The following ZBED4 variants were observed in gnomAD, a reference collection of about 807,000 sequenced individuals.
The protein encoded by ZBED4 is zinc finger BED domain-containing protein 4.
A neutral mutation model predicts 15.5 loss-of-function variants in ZBED4; 4 were observed. The ratio of observed to expected loss-of-function variants is 0.26; its 90% CI spans 0.13 to 0.59. The LOEUF (loss-of-function observed/expected upper bound fraction) is 0.59, where lower values mean the gene tolerates loss of function less well. Ranked by LOEUF, ZBED4 falls within the 20% of genes least tolerant of loss-of-function variation. The pLI is 0.90. For missense variants in ZBED4, 1,323 were observed against 1,461.8 expected, an observed-to-expected ratio of 0.91 and a Z score of 1.55; for synonymous variants, 692 against 608.5, an observed-to-expected ratio of 1.14 and a Z score of -2.02.
At position 49,870,943 on chromosome 22, in the gene ZBED4, ATT is replaced by A. The variant is rs61472662; in HGVS notation, c.-329-12377_-329-12376del. On this transcript the variant is annotated intron_variant, in intron 1 of 1. Coordinates refer to ENST00000216268, the MANE Select transcript of ZBED4 (RefSeq NM_014838.3). ...TTCAGTAAGTATTTTTAAAAGATAGATTTTTTTTTTTTTTTGAGATGGAGTCT... is the reference window on the plus strand; with the variant it reads ...TTCAGTAAGTATTTTTAAAAGATAGATTTTTTTTTTTTTGAGATGGAGTCT... Among the ~76,000 whole-genome samples, 194 of 138,014 alleles carry A rather than the reference ATT, an allele frequency of 1.4e-3. 1 individual carries two copies. Among genetic ancestry groups the A allele is most frequent in the Admixed American group, 1.6e-3 (22 of 13,716 alleles). The allele number at this position is 138,014 out of a possible 152,430, so 90.5% of individuals were successfully genotyped here.
intron 1 of ZBED4, among the ~76,000 whole-genome samples, chr22:49,864,172 C>T (rs1271116914): frequency 2.6e-5 from 4 of 152,204 alleles, no homozygotes; most frequent in African/African-American, 7.2e-5. Flanking sequence ...TGCTTTCTGA[C>T]GGCAGGGCGT....
At chr22:49,864,944 C>CGG (rs1555922771) in intron 1 of ZBED4, among the ~76,000 whole-genome samples, 1 of 85,940 alleles carries the variant, frequency 1.2e-5, no homozygotes, top group Non-Finnish European at 2.0e-5. Flanking sequence ...CAAGCCCCCC[C>CGG]CCCCCCCCGT....
chr22:49,878,228 C>A (rs892944878), intron 1 of ZBED4, among the ~76,000 whole-genome samples: 2 of 147,244 alleles, frequency 1.4e-5, no homozygotes, highest in African/African-American at 4.9e-5. Context: ...TCGTTTGAAC[C>A]CGGGAGGCGG....
chr22:49,883,917 G>A lies in ZBED4; in HGVS notation c.255G>A (p.Ala85=), dbSNP rs567666505. Residue 85 remains alanine (A), a synonymous_variant, in exon 2 of 2, where the codon GCG becomes GCA. Transcript: ENST00000216268. ...CAGAGAGTGAGGATGACTATGGCGCGCTGTTCTCCCAGTACAGCAGCACCC... is the reference window on the plus strand; with the variant it reads ...CAGAGAGTGAGGATGACTATGGCGCACTGTTCTCCCAGTACAGCAGCACCC... ...LSAESEDDYG[A]LFSQYSSTLY... The A allele has an allele frequency of 3.9e-5, 63 of 1,609,542 alleles. No homozygotes were observed. The highest frequency in any genetic ancestry group is 3.0e-4 in the South Asian group (27 of 90,860).
At chr22:49,866,506 A>G (rs1018563100) in intron 1 of ZBED4, among the ~76,000 whole-genome samples, 4 of 151,448 alleles carry the variant, frequency 2.6e-5, no homozygotes, top group Non-Finnish European at 5.9e-5. Flanking sequence ...TTTTACTTTT[A>G]TTTTTAGTGT....
At chr22:49,859,919 C>T (rs1021715358) in intron 1 of ZBED4, among the ~76,000 whole-genome samples, 2 of 149,420 alleles carry the variant, frequency 1.3e-5, no homozygotes, top group Admixed American at 1.3e-4. Context: ...TCCAGCTACT[C>T]AGGAGGCTGA....
At position 49,859,620 on chromosome 22, in the gene ZBED4, C is replaced by T. The variant is rs547182710; in HGVS notation, c.-330+5631C>T. On this transcript the variant is annotated intron_variant, in intron 1 of 1. Coordinates refer to ENST00000216268, the MANE Select transcript of ZBED4 (RefSeq NM_014838.3). ...CCATAGACGTAGTCATTGTGCTTGT[C>T]TGTTATTGCTTAATGCCCTGTTCGC... Among the ~76,000 whole-genome samples, 9 of 152,314 alleles carry T rather than the reference C, an allele frequency of 5.9e-5. No homozygotes were observed. In the East Asian group the frequency reaches 1.3e-3, roughly 23 times the overall value.
At position 49,884,767 on chromosome 22, in the gene ZBED4, C is replaced by G. The variant is rs2060427996; in HGVS notation, c.1105C>G (p.Leu369Val). ...LPSLLPPEGE[L>V]SSVSSSPVKP... ...TTCCTTGCTGCCGCCGGAGGGGGAG[C>G]TCAGCTCTGTGTCCTCGTCTCCAGT... Residue 369 changes from leucine to valine, a missense_variant, in exon 2 of 2, where the codon CTC becomes GTC. By Grantham distance (32) the Leu-to-Val change is conservative. This residue lies in a region of ZBED4 where 429 missense variants were observed against 397.9 expected (regional missense o/e 1.08). Transcript: ENST00000216268. 2 of 1,601,648 alleles carry G rather than the reference C, an allele frequency of 1.2e-6. No individual in the cohort carries two copies. Among genetic ancestry groups the G allele is most frequent in the Non-Finnish European group, 1.7e-6 (2 of 1,171,490 alleles).
intron 1 of ZBED4, among the ~76,000 whole-genome samples, chr22:49,862,170 C>T (rs1318697279): frequency 6.6e-6 from 1 of 152,234 alleles, no homozygotes; most frequent in Non-Finnish European, 1.5e-5. Flanking sequence ...GCAAGTGGCT[C>T]ATTTTGTTAG....
At position 49,888,630 on chromosome 22, in the gene ZBED4, T is replaced by G. The variant is rs1356569917; in HGVS notation, c.*1452T>G. ...CTGATCATGGCCATGGTGATGACTT[T>G]CCAGGTCTCGTGTTCAAGTGGTGCC... On this transcript the variant is annotated 3_prime_UTR_variant, in exon 2 of 2. Coordinates refer to ENST00000216268, the MANE Select transcript of ZBED4 (RefSeq NM_014838.3). The G allele has an allele frequency of 1.2e-5, 2 of 167,258 alleles. No individual in the cohort carries two copies. The highest frequency in any genetic ancestry group is 4.8e-5 in the African/African-American group (2 of 41,454). The allele number at this position is 167,258 out of a possible 1,614,324, so 10.4% of individuals were successfully genotyped here.
chr22:49,854,109 A>G (rs1485244301), intron 1 of ZBED4, 120 bp downstream of exon 1: 1 of 142,430 alleles, frequency 7.0e-6, no homozygotes, highest in East Asian at 2.1e-4. Flanking sequence ...GGCCGGGGCC[A>G]GGCGGGCGGG....
intron 1 of ZBED4, among the ~76,000 whole-genome samples, chr22:49,876,878 A>G (rs780245666): frequency 1.3e-5 from 2 of 152,236 alleles, no homozygotes; most frequent in Non-Finnish European, 2.9e-5. Context: ...CAGAAGACAC[A>G]GCGTTCCCAC....
chr22:49,872,943 G>A (rs1352255490), intron 1 of ZBED4, among the ~76,000 whole-genome samples: 2 of 152,036 alleles, frequency 1.3e-5, no homozygotes, highest in Non-Finnish European at 2.9e-5. Context: ...TGATCCACCC[G>A]CCTCGGCCTC....
chr22:49,881,327 G>A (rs2060408487), intron 1 of ZBED4, among the ~76,000 whole-genome samples: 2 of 152,372 alleles, frequency 1.3e-5, no homozygotes, highest in African/African-American at 2.4e-5. Context: ...CTGCAGCCTG[G>A]GCGACAGAGT....
intron 1 of ZBED4, among the ~76,000 whole-genome samples, chr22:49,878,603 A>T (rs527878806): frequency 2.6e-5 from 4 of 152,320 alleles, no homozygotes; most frequent in Non-Finnish European, 2.9e-5. Context: ...AAAACTTAAA[A>T]CTTCTAAAAG....
At chr22:49,859,678 T>C (rs2060288864) in intron 1 of ZBED4, among the ~76,000 whole-genome samples, 1 of 152,234 alleles carries the variant, frequency 6.6e-6, no homozygotes. Context: ...TTTAAAACAT[T>C]GTGAGTTCAG....
chr22:49,878,458 T>C lies in ZBED4; in HGVS notation c.-329-4876T>C, dbSNP rs147700585. The stretch of plus-strand genomic sequence containing the variant: ...GAATCCAGAAATAGATCCACACATA[T>C]GCGAGCAACCAATTCTCAACAAAGT... On this transcript the variant is annotated intron_variant, in intron 1 of 1. Coordinates refer to ENST00000216268, the MANE Select transcript of ZBED4 (RefSeq NM_014838.3). Among the ~76,000 whole-genome samples the C allele has an allele frequency of 4.1e-4, 62 of 152,282 alleles. No homozygotes were observed. The East Asian group carries it at 0.012, about 28-fold the overall frequency.
chr22:49,858,025 G>GTCCT lies in ZBED4; in HGVS notation c.-330+4037_-330+4038insCCTT, dbSNP rs2060281766. ...GATCCGTCCACCTTGGCCTCCCAAA[G>GTCCT]TGCCAGGACAGGACTACAGGCGTGA... On this transcript the variant is annotated intron_variant, in intron 1 of 1. Coordinates refer to ENST00000216268, the MANE Select transcript of ZBED4 (RefSeq NM_014838.3). 2.0e-5 allele frequency among the ~76,000 whole-genome samples: 3 copies of GTCCT among 152,242 alleles called. No individual in the cohort carries two copies. In the South Asian group the frequency reaches 6.2e-4, roughly 32 times the overall value.
At chr22:49,874,334 A>G (rs1415669754) in intron 1 of ZBED4, among the ~76,000 whole-genome samples, 3 of 151,762 alleles carry the variant, frequency 2.0e-5, no homozygotes, top group Admixed American at 6.6e-5. Context: ...ATGTTTTTCT[A>G]CATCGAATGA....
Sources: allele counts gnomAD v4.1 joint callset (sites outside exome capture counted in the v4.1 genomes callset), GRCh38; gene constraint gnomAD v4.1.1; regional missense constraint gnomAD v4.1.1; transcripts MANE v1.5; gene names NCBI Gene and HGNC (gene_info 2026-07-23, HGNC 2026-07-21).